RBFOX1: variants seen among roughly 807,000 people sequenced by gnomAD.
RBFOX1 encodes RNA binding protein fox-1 homolog 1.
In RBFOX1, 8 loss-of-function variants were observed where a neutral mutation model predicts 57.7. That is an observed-to-expected ratio of 0.14 (90% CI 0.08 to 0.25). RBFOX1 has a LOEUF of 0.25. Ranked by LOEUF, RBFOX1 falls within the 10% of genes least tolerant of loss-of-function variation. RBFOX1 has a pLI of 1.00. For missense variants in RBFOX1, 611 were observed against 548.5 expected (o/e 1.11, Z -1.14); for synonymous variants, 326 against 222.4 (o/e 1.47, Z -4.15).
intron 1 of RBFOX1, among the ~76,000 whole-genome samples, chr16:6,114,349 A>T (rs778649202): frequency 6.6e-6 from 1 of 152,224 alleles, no homozygotes; most frequent in Non-Finnish European, 1.5e-5. Context: ...ATTAAGAATA[A>T]TATCTCATGC....
intron 2 of RBFOX1, chr16:5,467,394 C>G (rs1234362077): frequency 3.9e-6 from 3 of 762,096 alleles, no homozygotes; most frequent in Non-Finnish European, 6.1e-6. Context: ...CAGTTCATCC[C>G]TTAGCAAGAA....
At chr16:6,286,478 G>C (rs2076918283) in intron 1 of RBFOX1, among the ~76,000 whole-genome samples, 1 of 152,208 alleles carries the variant, frequency 6.6e-6, no homozygotes, top group Non-Finnish European at 1.5e-5. Flanking sequence ...TACATTGGAA[G>C]TACTAGTACC....
At chr16:5,585,507 G>A (rs988833934) in intron 2 of RBFOX1, among the ~76,000 whole-genome samples, 3 of 152,308 alleles carry the variant, frequency 2.0e-5, no homozygotes, top group African/African-American at 7.2e-5. Flanking sequence ...CCCTTGGCCT[G>A]TAGCTATTTG....
chr16:6,324,866 C>T (rs777578816), intron 2 of RBFOX1, among the ~76,000 whole-genome samples: 9 of 152,272 alleles, frequency 5.9e-5, no homozygotes, highest in East Asian at 1.9e-4. Context: ...GGATAAGTTA[C>T]GACCAGAAGC....
intron 2 of RBFOX1, among the ~76,000 whole-genome samples, chr16:6,580,732 G>A (rs1344733941): frequency 6.6e-6 from 1 of 152,036 alleles, no homozygotes; most frequent in Non-Finnish European, 1.5e-5. Context: ...ACCAGCTGAG[G>A]CTCAGAGAAG....
intron 4 of RBFOX1, among the ~76,000 whole-genome samples, chr16:7,403,284 A>G (rs1397195136): frequency 6.6e-6 from 1 of 152,136 alleles, no homozygotes; most frequent in Non-Finnish European, 1.5e-5. Flanking sequence ...TATACAATAC[A>G]GTATCATTAA....
chr16:5,756,251 C>G (rs928425294), intron 3 of RBFOX1, among the ~76,000 whole-genome samples: 3 of 145,228 alleles, frequency 2.1e-5, no homozygotes, highest in Non-Finnish European at 3.0e-5. Flanking sequence ...AAAAAAAACC[C>G]TGCACCACCT....
intron 4 of RBFOX1, among the ~76,000 whole-genome samples, chr16:6,013,606 C>A (rs1428605143): frequency 6.6e-6 from 1 of 152,136 alleles, no homozygotes; most frequent in Non-Finnish European, 1.5e-5. Flanking sequence ...TTTTGAGTCC[C>A]ACTCTAACCA....
intron 2 of RBFOX1, among the ~76,000 whole-genome samples, chr16:6,495,470 C>A (rs563204562): frequency 2.6e-5 from 4 of 150,980 alleles, no homozygotes; most frequent in Non-Finnish European, 5.9e-5. Flanking sequence ...TTTCGTAGAT[C>A]GGTTGGTCAT....
intron 1 of RBFOX1, among the ~76,000 whole-genome samples, chr16:6,305,402 GCTC>G (rs2079376477): frequency 6.6e-6 from 1 of 152,062 alleles, no homozygotes; most frequent in Admixed American, 6.5e-5. Flanking sequence ...AACATGAGAT[GCTC>G]CTCCTCCTCC....
intron 1 of RBFOX1, among the ~76,000 whole-genome samples, chr16:5,246,249 A>G (rs1409984933): frequency 2.0e-5 from 3 of 152,230 alleles, no homozygotes; most frequent in South Asian, 2.1e-4. Context: ...CTGTTTCAAA[A>G]TAAGTAAATA....
chr16:7,303,133 C>T (rs111986489), intron 4 of RBFOX1, among the ~76,000 whole-genome samples: 12 of 152,332 alleles, frequency 7.9e-5, no homozygotes, highest in African/African-American at 2.6e-4. Context: ...TTGATTTCCA[C>T]GCCAGCCTGG....
At chr16:7,581,146 A>G (rs535875812) in intron 6 of RBFOX1, among the ~76,000 whole-genome samples, 17 of 152,236 alleles carry the variant, frequency 1.1e-4, no homozygotes, top group Non-Finnish European at 1.9e-4. Flanking sequence ...CGAGCATCCT[A>G]ATATTGAAGA....
intron 1 of RBFOX1, among the ~76,000 whole-genome samples, chr16:6,207,238 C>G (rs1040633255): frequency 6.6e-6 from 1 of 152,126 alleles, no homozygotes; most frequent in Non-Finnish European, 1.5e-5. Context: ...CTGAGACTCT[C>G]CTTGTTCAGT....
intron 2 of RBFOX1, among the ~76,000 whole-genome samples, chr16:6,344,398 C>CTT (rs1176288797): frequency 1.3e-3 from 91 of 71,930 alleles, no homozygotes; most frequent in African/African-American, 8.3e-3. Flanking sequence ...CTTCTTTTTT[C>CTT]TTTTTTTTCT....
At chr16:5,310,901 A>G (rs902897348) in intron 1 of RBFOX1, among the ~76,000 whole-genome samples, 3 of 152,198 alleles carry the variant, frequency 2.0e-5, no homozygotes, top group Non-Finnish European at 4.4e-5. Context: ...ACCTAGGTGA[A>G]TTGTGTAGAA....
intron 3 of RBFOX1, among the ~76,000 whole-genome samples, chr16:5,720,875 C>G (rs1421623536): frequency 1.3e-5 from 2 of 152,150 alleles, no homozygotes; most frequent in African/African-American, 4.8e-5. Flanking sequence ...GAGTCTCCAA[C>G]TTTGTTCTTA....
intron 3 of RBFOX1, among the ~76,000 whole-genome samples, chr16:7,010,221 G>A (rs563113051): frequency 6.6e-6 from 1 of 152,188 alleles, no homozygotes; most frequent in Non-Finnish European, 1.5e-5. Context: ...AAGTCCTGAA[G>A]CTCAAATACA....
chr16:7,518,915 T>G (rs550937193), intron 5 of RBFOX1, among the ~76,000 whole-genome samples: 1 of 152,254 alleles, frequency 6.6e-6, no homozygotes, highest in South Asian at 2.1e-4. Context: ...CCCAGCTACT[T>G]GGGAGACTGA....
Sources: allele counts gnomAD v4.1 joint callset (sites outside exome capture counted in the v4.1 genomes callset), GRCh38; gene constraint gnomAD v4.1.1; transcripts MANE v1.5; gene names NCBI Gene and HGNC (gene_info 2026-07-23, HGNC 2026-07-21).